The following DUX4 variants were observed in gnomAD, a reference collection of about 807,000 sequenced individuals.
DUX4 encodes the protein double homeobox 4, also known as double homeobox protein 4.
At chr4:190,181,750 A>C (rs1579838055) in intron 1 of DUX4, among the ~76,000 whole-genome samples, 47 of 138,996 alleles carry the variant, frequency 3.4e-4, no homozygotes, top group Non-Finnish European at 5.2e-4. Context: ...TGATCAGTGC[A>C]GAGATATGTA....
chr4:190,178,366 A>AGAGCATAG, downstream of DUX4, among the ~76,000 whole-genome samples: 1 of 151,340 alleles, frequency 6.6e-6, no homozygotes, highest in South Asian at 2.1e-4. Flanking sequence ...CCCTGTAGGC[A>AGAGCATAG]AAGCCTAGGC....
downstream of DUX4, among the ~76,000 whole-genome samples, chr4:190,176,017 T>C (rs1344285893): frequency 9.2e-6 from 1 of 109,172 alleles, no homozygotes; most frequent in Non-Finnish European, 2.2e-5. Flanking sequence ...AGTGTAGAGA[T>C]ATGTTAAAAT....
intron 1 of DUX4, among the ~76,000 whole-genome samples, chr4:190,181,294 A>C (rs1579837136): frequency 7.3e-5 from 9 of 122,894 alleles, no homozygotes; most frequent in Admixed American, 1.6e-4. Flanking sequence ...CAATGCCGCC[A>C]GTAGGCAGAG....
chr4:190,177,158 CCTAGATGAT>C (rs1742345756), downstream of DUX4, among the ~76,000 whole-genome samples: 3 of 125,634 alleles, frequency 2.4e-5, no homozygotes, highest in South Asian at 2.8e-4. Context: ...AGTTACATCA[CCTAGATGAT>C]CTGTGCAGAG....
At chr4:190,176,292 T>C (rs1742301118), downstream of DUX4, among the ~76,000 whole-genome samples, 1 of 114,538 alleles carries the variant, frequency 8.7e-6, no homozygotes, top group Non-Finnish European at 2.1e-5. Context: ...TGGAGAGATC[T>C]GTCACAATGC....
chr4:190,183,884 G>A (rs1260943817), intron 1 of DUX4, among the ~76,000 whole-genome samples: 8 of 122,054 alleles, frequency 6.6e-5, no homozygotes, highest in African/African-American at 2.0e-4. Context: ...GGACATTGCT[G>A]GTGGAGTCTG....
chr4:190,177,934 C>A (rs1742395690), downstream of DUX4, among the ~76,000 whole-genome samples: 2,287 of 117,556 alleles, frequency 0.019, no homozygotes, highest in East Asian at 0.027. Context: ...GGAGATATGT[C>A]ACAATGTCTC....
downstream of DUX4, among the ~76,000 whole-genome samples, chr4:190,177,404 G>GACA (rs1742365141): frequency 2.0e-5 from 2 of 99,644 alleles, no homozygotes; most frequent in Non-Finnish European, 4.3e-5. Context: ...AGCCCCTGTA[G>GACA]GTCGAGTCTA....
At chr4:190,178,182 A>C (rs1742407837), downstream of DUX4, among the ~76,000 whole-genome samples, 5 of 152,102 alleles carry the variant, frequency 3.3e-5, no homozygotes, top group African/African-American at 7.2e-5. Context: ...GAGTTACATT[A>C]CCTGGGTGAT....
At chr4:190,178,219 C>T (rs1579833940), downstream of DUX4, among the ~76,000 whole-genome samples, 257 of 148,670 alleles carry the variant, frequency 1.7e-3, no homozygotes, top group East Asian at 5.8e-3. Flanking sequence ...CACAATGCCC[C>T]CTGTAGGCAG....
chr4:190,181,269 T>C (rs1579837088), intron 1 of DUX4, among the ~76,000 whole-genome samples: 48 of 146,030 alleles, frequency 3.3e-4, no homozygotes, highest in Admixed American at 5.5e-4. Flanking sequence ...GGGTGATCAG[T>C]GCAGAAATAT....
At chr4:190,181,565 CCG>C (rs1742582462) in intron 1 of DUX4, among the ~76,000 whole-genome samples, 232 of 63,984 alleles carry the variant, frequency 3.6e-3, no homozygotes, top group Middle Eastern at 9.3e-3. Context: ...TCACTATGCC[CCG>C]TAGGCAGAGC....
chr4:190,179,981 C>G (rs1742522202), downstream of DUX4, among the ~76,000 whole-genome samples: 2 of 152,052 alleles, frequency 1.3e-5, no homozygotes, highest in African/African-American at 2.4e-5. Context: ...AGAGATCTGT[C>G]ACAATGCCCC....
downstream of DUX4, among the ~76,000 whole-genome samples, chr4:190,180,003 CTT>C (rs1742523757): frequency 6.7e-6 from 1 of 150,180 alleles, no homozygotes; most frequent in African/African-American, 2.4e-5. Context: ...TTAGGCAGAG[CTT>C]AAACTAGAGT....
chr4:190,178,742 A>ATT (rs1742447734), downstream of DUX4, among the ~76,000 whole-genome samples: 5 of 105,190 alleles, frequency 4.8e-5, no homozygotes, highest in South Asian at 3.7e-4. Context: ...GGGTGATCAG[A>ATT]GCAAAGGTAT....
chr4:190,179,047 G>GACAC (rs1742474456), downstream of DUX4, among the ~76,000 whole-genome samples: 1 of 8,956 alleles, frequency 1.1e-4, no homozygotes, highest in Admixed American at 1.3e-3. Context: ...CCTTTAGGCA[G>GACAC]ATCCTAGAAA....
chr4:190,178,849 T>A (rs1742456696), downstream of DUX4, among the ~76,000 whole-genome samples: 248 of 140,374 alleles, frequency 1.8e-3, no homozygotes, highest in Middle Eastern at 3.6e-3. Flanking sequence ...AGGCAGAGCT[T>A]ATACAACAGT....
At chr4:190,178,020 GCAGATCCCAGACAAGA>G (rs1742399888), downstream of DUX4, among the ~76,000 whole-genome samples, 1 of 146,924 alleles carries the variant, frequency 6.8e-6, no homozygotes, top group Non-Finnish European at 1.5e-5. Flanking sequence ...CCCCCTGTAA[GCAGATCCCAGACAAGA>G]GTTGCATCAC....
At chr4:190,175,965 A>C (rs1448171806), downstream of DUX4, 12 of 110,128 alleles carry the variant, frequency 1.1e-4, 4 homozygotes, top group Admixed American at 1.2e-3. Context: ...AGAACTCCAT[A>C]GTAGACTGAA....
Sources: gnomAD v4.1 joint callset for allele counts (sites outside exome capture counted in the v4.1 genomes callset) on GRCh38, gnomAD v4.1.1 for gene constraint, MANE v1.5 for transcripts, NCBI Gene and HGNC (gene_info 2026-07-23, HGNC 2026-07-21) for gene names.